Variants in ACSM6 observed in about 807,000 individuals in gnomAD.
ACSM6 encodes acyl-CoA synthetase medium chain family member 6.
A neutral mutation model predicts 51.1 loss-of-function variants in ACSM6; 35 were observed. The observed-to-expected ratio is 0.69, with a 90% CI of 0.52 to 0.91. The LOEUF is 0.91. Ranked by LOEUF, ACSM6 falls within the 40% of genes least tolerant of loss-of-function variation. The probability of loss-of-function intolerance (pLI) is 0.00; values close to 1 mark genes in which losing one functional copy is unlikely to be tolerated. For synonymous variants in ACSM6, 172 were observed against 207.3 expected, an observed-to-expected ratio of 0.83 and a Z score of 1.46; for missense variants, 509 against 584.1, an observed-to-expected ratio of 0.87 and a Z score of 1.32.
At chr10:95,208,972 GAC>G (rs1196947101) in intron 4 of ACSM6, among the ~76,000 whole-genome samples, 1 of 80,908 alleles carries the variant, frequency 1.2e-5, no homozygotes, top group Non-Finnish European at 2.8e-5. Context: ...CAGTAAACGA[GAC>G]AGTCAAACCC....
At chr10:95,225,460 G>T in intron 10 of ACSM6, 69 bp downstream of exon 10, 1 of 1,112,708 alleles carries the variant, frequency 9.0e-7, no homozygotes, top group Non-Finnish European at 1.2e-6. Flanking sequence ...TTATTGTTGA[G>T]TACTTTATGA....
chr10:95,210,689 C>G (rs765422878), exon 5 of ACSM6: 4 of 1,613,936 alleles, frequency 2.5e-6, no homozygotes, highest in Middle Eastern at 1.7e-4. Context: ...GGACCAAAAG[C>G]CAAGATCCAA....
Position 95,202,004 on chromosome 10 carries a change from A to G in ACSM6, c.212A>G (p.Tyr71Cys), listed in dbSNP as rs867609011. ...GCCTAGGACGGACTCAGAGGGCCTTACCCCGCCCTCTGGAAGGTTAGTGCC... is the reference window on the plus strand; with the variant it reads ...GCCTAGGACGGACTCAGAGGGCCTTGCCCCGCCCTCTGGAAGGTTAGTGCC... The change falls in exon 3 of 11, where the codon TAC becomes TGC. Residue 71 changes from tyrosine (Y) to cysteine (C), a missense_variant. Transcript: ENST00000341686. 13 of 1,551,484 alleles carry G rather than the reference A, an allele frequency of 8.4e-6. No individual in the cohort carries two copies. In the African/African-American group the frequency reaches 1.1e-4, roughly 13 times the overall value.
At chr10:95,195,132 A>T (rs1014437208) in intron 2 of ACSM6, among the ~76,000 whole-genome samples, 2 of 152,238 alleles carry the variant, frequency 1.3e-5, no homozygotes, top group African/African-American at 4.8e-5. Context: ...CTTCTAGCAC[A>T]TACAAAATTT....
intron 7 of ACSM6, among the ~76,000 whole-genome samples, chr10:95,213,519 C>A (rs1174059002): frequency 2.6e-5 from 4 of 152,138 alleles, no homozygotes; most frequent in Non-Finnish European, 5.9e-5. Context: ...TTTTTTCACA[C>A]TATTCCTTAA....
intron 7 of ACSM6, among the ~76,000 whole-genome samples, chr10:95,213,594 T>A (rs905363519): frequency 6.6e-6 from 1 of 152,220 alleles, no homozygotes; most frequent in Non-Finnish European, 1.5e-5. Context: ...TTAGTATGAA[T>A]GAATTGTACA....
chr10:95,212,067 AC>A (rs1295554480), intron 6 of ACSM6, 33 bp downstream of exon 6: 2 of 1,612,700 alleles, frequency 1.2e-6, no homozygotes, highest in Non-Finnish European at 1.7e-6. Flanking sequence ...AATGTGTGGG[AC>A]AAAGGCCAGA....
At chr10:95,201,986 A>C in exon 3 of ACSM6, 1 of 1,551,434 alleles carries the variant, frequency 6.4e-7, no homozygotes, top group Non-Finnish European at 8.7e-7. Flanking sequence ...CCTGCCTAGG[A>C]CGGACTCAGA....
intron 3 of ACSM6, among the ~76,000 whole-genome samples, chr10:95,203,729 A>T (rs1344504544): frequency 1.3e-5 from 2 of 152,130 alleles, no homozygotes; most frequent in Non-Finnish European, 2.9e-5. Flanking sequence ...TTCTTAGGAT[A>T]CAGGCATATA....
intron 4 of ACSM6, 120 bp downstream of exon 4, chr10:95,207,535 C>T (rs2034852723): frequency 9.7e-7 from 1 of 1,036,126 alleles, no homozygotes; most frequent in African/African-American, 1.6e-5. Flanking sequence ...AATTTCTATG[C>T]AAGATTAGAT....
At chr10:95,197,198 G>A (rs1182582936) in intron 2 of ACSM6, among the ~76,000 whole-genome samples, 1 of 152,138 alleles carries the variant, frequency 6.6e-6, no homozygotes, top group African/African-American at 2.4e-5. Context: ...CTATCATGAA[G>A]GGGTGGCCTG....
chr10:95,218,027 G>A, intron 8 of ACSM6, among the ~76,000 whole-genome samples: 1 of 152,226 alleles, frequency 6.6e-6, no homozygotes, highest in South Asian at 2.1e-4. Flanking sequence ...TCATTGCATT[G>A]TATTTCCCCA....
chr10:95,217,036 G>A (rs1212474070), intron 8 of ACSM6, among the ~76,000 whole-genome samples: 1 of 152,164 alleles, frequency 6.6e-6, no homozygotes, highest in African/African-American at 2.4e-5. Flanking sequence ...GTGTTTTCCA[G>A]GTAGATAGGA....
chr10:95,202,897 C>A (rs1245811816), intron 3 of ACSM6, among the ~76,000 whole-genome samples: 1 of 150,186 alleles, frequency 6.7e-6, no homozygotes, highest in Non-Finnish European at 1.5e-5. Flanking sequence ...TGAGATTGTG[C>A]CACTGCACTC....
At chr10:95,211,881 G>A (rs75252129) in exon 6 of ACSM6, 146,759 of 1,601,876 alleles carry the variant, frequency 0.092, 7,402 homozygotes, top group Non-Finnish European at 0.11. Flanking sequence ...TCTTTAGACG[G>A]TGGATGGATC....
intron 9 of ACSM6, among the ~76,000 whole-genome samples, 162 bp from the exon 10 acceptor site, chr10:95,225,128 C>G (rs760546815): frequency 3.9e-5 from 6 of 152,190 alleles, no homozygotes; most frequent in Non-Finnish European, 8.8e-5. Context: ...GACGACTGAA[C>G]CACACTGCCT....
chr10:95,211,750 G>C, intron 5 of ACSM6, 128 bp from the exon 6 acceptor site: 1 of 1,016,070 alleles, frequency 9.8e-7, no homozygotes, highest in Middle Eastern at 3.0e-4. Flanking sequence ...TCATAAATAG[G>C]CTTTGCCTGT....
intron 2 of ACSM6, 121 bp downstream of exon 2, chr10:95,194,798 A>G: frequency 1.2e-6 from 1 of 855,888 alleles, no homozygotes; most frequent in Non-Finnish European, 1.8e-6. Flanking sequence ...TTCAGAGAAA[A>G]GAAATTATAG....
intron 5 of ACSM6, among the ~76,000 whole-genome samples, chr10:95,210,994 G>A (rs1311741198): frequency 6.6e-6 from 1 of 152,154 alleles, no homozygotes; most frequent in African/African-American, 2.4e-5. Flanking sequence ...TAAGCAGGAG[G>A]GAAAAGAGGA....
Sources: allele counts gnomAD v4.1 joint callset (sites outside exome capture counted in the v4.1 genomes callset), GRCh38; gene constraint gnomAD v4.1.1; transcripts MANE v1.5; gene names NCBI Gene and HGNC (gene_info 2026-07-23, HGNC 2026-07-21).